TFCP2L1: variants seen among roughly 807,000 people sequenced by gnomAD.
TFCP2L1 encodes the protein transcription factor CP2-like protein 1.
In TFCP2L1, 12 loss-of-function variants were observed where a neutral mutation model predicts 72.2. That is an observed-to-expected ratio of 0.17 (90% CI 0.11 to 0.27). The LOEUF is 0.27. Ranked by LOEUF, TFCP2L1 falls within the 10% of genes least tolerant of loss-of-function variation. TFCP2L1 has a pLI of 1.00. For synonymous variants in TFCP2L1, 260 were observed against 251.0 expected (o/e 1.04, Z -0.34); for missense variants, 488 against 624.6 (o/e 0.78, Z 2.33).
chr2:121,260,954 C>T lies in TFCP2L1; in HGVS notation c.215-11307G>A, dbSNP rs114384073. ...ATGCCACATAAAACATAATGGAGGC[C>T]ATCATTACCAGTGAGAAAGGAGGGC... On this transcript the variant is annotated intron_variant, in intron 2 of 14. Transcript: ENST00000263707. 6.6e-3 allele frequency among the ~76,000 whole-genome samples: 1,008 copies of T among 152,306 alleles called. 16 individuals carry two copies. Among genetic ancestry groups the T allele is most frequent in the African/African-American group, 0.023 (941 of 41,558 alleles).
intron 2 of TFCP2L1, among the ~76,000 whole-genome samples, chr2:121,276,544 G>C (rs945752864): frequency 6.6e-6 from 1 of 151,570 alleles, no homozygotes; most frequent in Non-Finnish European, 1.5e-5. Flanking sequence ...GAGGTAGGAG[G>C]ATCCCCTGAG....
intron 2 of TFCP2L1, among the ~76,000 whole-genome samples, chr2:121,278,087 A>G (rs1471352970): frequency 1.5e-5 from 2 of 137,494 alleles, no homozygotes; most frequent in African/African-American, 5.5e-5. Context: ...CGGACTGCGG[A>G]CTGCAGTGGC....
intron 2 of TFCP2L1, among the ~76,000 whole-genome samples, chr2:121,279,168 CAAG>C (rs953471793): frequency 2.0e-5 from 3 of 152,184 alleles, no homozygotes; most frequent in African/African-American, 4.8e-5. Context: ...ACTTAGCCAA[CAAG>C]AAGAACCACA....
intron 2 of TFCP2L1, among the ~76,000 whole-genome samples, chr2:121,274,497 G>A (rs981763111): frequency 6.6e-6 from 1 of 152,176 alleles, no homozygotes; most frequent in Non-Finnish European, 1.5e-5. Context: ...TGCCTAAGGT[G>A]TATATGAAAC....
chr2:121,254,058 C>T lies in TFCP2L1; in HGVS notation c.215-4411G>A, dbSNP rs559944770. ...GGCACAAGGGCATTTCTCTGCCTGGCCGACATCACTGCTGGGCGTGGGTGG... is the reference window on the plus strand; with the variant it reads ...GGCACAAGGGCATTTCTCTGCCTGGTCGACATCACTGCTGGGCGTGGGTGG... On this transcript the variant is annotated intron_variant, in intron 2 of 14. Coordinates refer to ENST00000263707, the MANE Select transcript of TFCP2L1 (RefSeq NM_014553.3). 2.8e-4 allele frequency among the ~76,000 whole-genome samples: 43 copies of T among 152,286 alleles called. 1 individual carries two copies. In the East Asian group the frequency reaches 7.2e-3, roughly 25 times the overall value.
intron 12 of TFCP2L1, among the ~76,000 whole-genome samples, chr2:121,232,266 G>A (rs1686160936): frequency 6.6e-6 from 1 of 152,058 alleles, no homozygotes; most frequent in East Asian, 1.9e-4. Context: ...AGCCTCCCCA[G>A]TAGCTGGGAT....
At chr2:121,248,871 G>T in intron 4 of TFCP2L1, 111 bp downstream of exon 4, 1 of 792,348 alleles carries the variant, frequency 1.3e-6, no homozygotes, top group Non-Finnish European at 1.9e-6. Context: ...ACACAGAGCA[G>T]GTGCAAGCTA....
At chr2:121,224,806 C>A (rs1231814984) in intron 14 of TFCP2L1, among the ~76,000 whole-genome samples, 1 of 152,120 alleles carries the variant, frequency 6.6e-6, no homozygotes, top group South Asian at 2.1e-4. Context: ...CACAGTGAAA[C>A]CCCGTCTCTA....
intron 2 of TFCP2L1, among the ~76,000 whole-genome samples, chr2:121,268,914 T>C (rs955530545): frequency 2.6e-5 from 4 of 151,572 alleles, no homozygotes; most frequent in Non-Finnish European, 4.4e-5. Context: ...CAGTCAGTTA[T>C]TGTGGGACAA....
chr2:121,250,189 G>A (rs1354293777), intron 2 of TFCP2L1, among the ~76,000 whole-genome samples: 1 of 152,152 alleles, frequency 6.6e-6, no homozygotes, highest in East Asian at 1.9e-4. Flanking sequence ...CATATAACTA[G>A]CACAGGCTGG....
intron 2 of TFCP2L1, among the ~76,000 whole-genome samples, chr2:121,280,584 C>T (rs1029351565): frequency 6.6e-6 from 1 of 151,586 alleles, no homozygotes; most frequent in Non-Finnish European, 1.5e-5. Flanking sequence ...ATAGTGAGAC[C>T]CCCCCAGCTC....
intron 1 of TFCP2L1, 46 bp downstream of exon 1, chr2:121,285,002 C>A: frequency 7.0e-7 from 1 of 1,434,974 alleles, no homozygotes; most frequent in Non-Finnish European, 9.1e-7. Context: ...GGCGCCCGGC[C>A]CGCCGGCCCG....
chr2:121,231,423 T>A (rs1686140813), intron 13 of TFCP2L1, among the ~76,000 whole-genome samples: 1 of 152,202 alleles, frequency 6.6e-6, no homozygotes, highest in Non-Finnish European at 1.5e-5. Context: ...GGCAGAGGCC[T>A]CTGCTCTCCT....
At chr2:121,239,272 C>T (rs910704946) in intron 8 of TFCP2L1, among the ~76,000 whole-genome samples, 11 of 152,196 alleles carry the variant, frequency 7.2e-5, no homozygotes, top group Non-Finnish European at 1.6e-4. Flanking sequence ...CCATTCTGCC[C>T]CAGAGGGCAC....
At chr2:121,241,745 A>G (rs1686372672) in intron 7 of TFCP2L1, among the ~76,000 whole-genome samples, 1 of 152,180 alleles carries the variant, frequency 6.6e-6, no homozygotes, top group South Asian at 2.1e-4. Flanking sequence ...CTGAAACTCC[A>G]AGAGCCCAGA....
intron 6 of TFCP2L1, among the ~76,000 whole-genome samples, chr2:121,245,624 C>T (rs918083031): frequency 6.6e-6 from 1 of 152,194 alleles, no homozygotes; most frequent in Non-Finnish European, 1.5e-5. Flanking sequence ...TCAGGCAGCC[C>T]GGCTGTGTGG....
intron 6 of TFCP2L1, among the ~76,000 whole-genome samples, chr2:121,245,574 G>A (rs1686463954): frequency 6.6e-6 from 1 of 152,190 alleles, no homozygotes; most frequent in African/African-American, 2.4e-5. Context: ...CCCAAACCAC[G>A]GAGCTGGGCC....
intron 2 of TFCP2L1, among the ~76,000 whole-genome samples, chr2:121,272,069 C>A (rs902000018): frequency 2.0e-5 from 3 of 152,140 alleles, no homozygotes; most frequent in Non-Finnish European, 2.9e-5. Flanking sequence ...TAGAATCCTG[C>A]CTTCAGGAAC....
intron 6 of TFCP2L1, among the ~76,000 whole-genome samples, chr2:121,243,504 G>A (rs918624901): frequency 2.6e-5 from 4 of 152,208 alleles, no homozygotes; most frequent in African/African-American, 4.8e-5. Context: ...AGGTGAGTGA[G>A]CGAAGCTTCA....
Sources: allele counts gnomAD v4.1 joint callset (sites outside exome capture counted in the v4.1 genomes callset), GRCh38; gene constraint gnomAD v4.1.1; transcripts MANE v1.5; gene names NCBI Gene and HGNC (gene_info 2026-07-23, HGNC 2026-07-21).